Variants in FHIT observed in about 807,000 individuals in gnomAD.
FHIT encodes the protein bis(5'-adenosyl)-triphosphatase.
FHIT carries 19 observed loss-of-function variants against 17.9 expected under a neutral mutation model. The observed-to-expected ratio is 1.06, with a 90% confidence interval of 0.74 to 1.56. The LOEUF (loss-of-function observed/expected upper bound fraction) is 1.56. Among genes scored for constraint, FHIT ranks in the 40% most tolerant of loss-of-function variants. The probability of loss-of-function intolerance (pLI) is 0.00; values close to 1 mark genes in which losing one functional copy is unlikely to be tolerated. For missense variants in FHIT, 248 were observed against 189.2 expected (o/e 1.31, Z -1.82); for synonymous variants, 81 against 69.7 (o/e 1.16, Z -0.81).
intron 4 of FHIT, among the ~76,000 whole-genome samples, chr3:60,569,874 T>C (rs968120454): frequency 9.9e-5 from 15 of 150,980 alleles, no homozygotes; most frequent in African/African-American, 3.7e-4. Context: ...GCCTCATATA[T>C]AGCTGCTTTA....
At chr3:60,556,220 G>A (rs999143456) in intron 4 of FHIT, among the ~76,000 whole-genome samples, 7 of 152,116 alleles carry the variant, frequency 4.6e-5, no homozygotes, top group Non-Finnish European at 7.3e-5. Context: ...TCAGCATACT[G>A]CCTCAACACA....
intron 7 of FHIT, among the ~76,000 whole-genome samples, chr3:59,925,463 G>C (rs1705610593): frequency 6.6e-6 from 1 of 152,080 alleles, no homozygotes; most frequent in Non-Finnish European, 1.5e-5. Flanking sequence ...CACTCTCCTT[G>C]CGTGGTCCTC....
chr3:59,795,704 G>T (rs185914607), intron 8 of FHIT, among the ~76,000 whole-genome samples: 3 of 152,152 alleles, frequency 2.0e-5, no homozygotes, highest in Non-Finnish European at 4.4e-5. Flanking sequence ...TCCAGCCTGG[G>T]CAACAGAGCA....
chr3:60,826,831 A>T (rs1444868586), intron 3 of FHIT, among the ~76,000 whole-genome samples: 2 of 152,216 alleles, frequency 1.3e-5, no homozygotes, highest in African/African-American at 4.8e-5. Context: ...CACCATGGAC[A>T]TCTTTTCAAC....
chr3:60,111,374 A>T (rs1704661885), intron 5 of FHIT, among the ~76,000 whole-genome samples: 1 of 152,182 alleles, frequency 6.6e-6, no homozygotes, highest in Admixed American at 6.5e-5. Context: ...TATGCTTTTC[A>T]CCCAAAGGTG....
intron 5 of FHIT, among the ~76,000 whole-genome samples, chr3:60,055,805 C>T (rs1001636283): frequency 2.0e-5 from 3 of 152,132 alleles, no homozygotes; most frequent in African/African-American, 4.8e-5. Flanking sequence ...AAGGCTAACT[C>T]GGAGCTGATG....
chr3:59,752,458 G>T (rs1035879622), intron 8 of FHIT, 137 bp from the exon 9 acceptor site: 9 of 593,060 alleles, frequency 1.5e-5, no homozygotes, highest in Non-Finnish European at 2.7e-5. Context: ...TGTTTCAGTT[G>T]CTACAACTTG....
chr3:60,077,765 T>C (rs1051058941), intron 5 of FHIT, among the ~76,000 whole-genome samples: 4 of 141,972 alleles, frequency 2.8e-5, no homozygotes, highest in South Asian at 2.2e-4. Flanking sequence ...CAAAGTAACA[T>C]GTAGGATGAA....
intron 3 of FHIT, among the ~76,000 whole-genome samples, chr3:61,019,837 G>A (rs2032314609): frequency 6.6e-6 from 1 of 152,014 alleles, no homozygotes; most frequent in African/African-American, 2.4e-5. Flanking sequence ...GAATGTCAAG[G>A]TAACATCTTC....
chr3:61,042,329 T>C (rs2033557565), intron 2 of FHIT, among the ~76,000 whole-genome samples: 1 of 152,296 alleles, frequency 6.6e-6, no homozygotes, highest in South Asian at 2.1e-4. Flanking sequence ...TGGGACATCT[T>C]GTAGGGCAGT....
intron 4 of FHIT, among the ~76,000 whole-genome samples, chr3:60,537,848 C>T (rs1429678934): frequency 6.6e-6 from 1 of 152,160 alleles, no homozygotes; most frequent in East Asian, 1.9e-4. Context: ...TAGAAAACTA[C>T]TTCATTTTTC....
chr3:60,807,930 T>C (rs1030395497), intron 4 of FHIT, among the ~76,000 whole-genome samples: 1 of 152,220 alleles, frequency 6.6e-6, no homozygotes, highest in Non-Finnish European at 1.5e-5. Context: ...AAGACCTCAC[T>C]AGCAGGAATC....
rs574241644 is a variant in FHIT at position 60,457,501 on chromosome 3, C to T, written c.103+79359G>A. Among the ~76,000 whole-genome samples, 17 of 152,024 alleles carry T rather than the reference C, an allele frequency of 1.1e-4. No homozygotes were observed. The South Asian group carries it at 3.1e-3, about 28-fold the overall frequency. On this transcript the variant is annotated intron_variant, in intron 5 of 9. Transcript: ENST00000492590. ...CCCTAGAAGAAAACCTAGGCAATAC[C>T]ATTCAGGACATAGGCATGGGCAAGG... is the stretch of plus-strand genomic sequence containing the variant.
chr3:60,097,562 T>C (rs1252804451), intron 5 of FHIT, among the ~76,000 whole-genome samples: 1 of 152,062 alleles, frequency 6.6e-6, no homozygotes, highest in Non-Finnish European at 1.5e-5. Context: ...CTCCTCTTCC[T>C]CCTCCTTTAC....
chr3:60,761,810 C>G (rs1444314017), intron 4 of FHIT, among the ~76,000 whole-genome samples: 1 of 151,912 alleles, frequency 6.6e-6, no homozygotes, highest in Non-Finnish European at 1.5e-5. Flanking sequence ...TACCAGCTAT[C>G]CGAACATTTA....
At chr3:60,323,278 G>A (rs908169756) in intron 5 of FHIT, among the ~76,000 whole-genome samples, 5 of 152,016 alleles carry the variant, frequency 3.3e-5, no homozygotes, top group Admixed American at 1.3e-4. Flanking sequence ...AACGTCAAGC[G>A]TCTAAGTGCT....
At chr3:60,854,805 G>C (rs570922529) in intron 3 of FHIT, among the ~76,000 whole-genome samples, 1 of 152,272 alleles carries the variant, frequency 6.6e-6, no homozygotes, top group Non-Finnish European at 1.5e-5. Flanking sequence ...GTAAGAGAGT[G>C]TGGGAAGCTG....
At chr3:60,088,462 T>C (rs1212058268) in intron 5 of FHIT, among the ~76,000 whole-genome samples, 1 of 152,316 alleles carries the variant, frequency 6.6e-6, no homozygotes, top group African/African-American at 2.4e-5. Context: ...TGTACCTTCA[T>C]GCATAAAGTG....
chr3:60,547,135 G>A (rs1314799077), intron 4 of FHIT, among the ~76,000 whole-genome samples: 1 of 152,128 alleles, frequency 6.6e-6, no homozygotes, highest in East Asian at 1.9e-4. Flanking sequence ...ACATAAAAAT[G>A]GCAGAAAGCA....
Sources: gnomAD v4.1 joint callset for allele counts (sites outside exome capture counted in the v4.1 genomes callset) on GRCh38, gnomAD v4.1.1 for gene constraint, MANE v1.5 for transcripts, NCBI Gene and HGNC (gene_info 2026-07-23, HGNC 2026-07-21) for gene names.